MARCHF1: variants seen among roughly 807,000 people sequenced by gnomAD.
The protein encoded by MARCHF1 is membrane associated ring-CH-type finger 1.
In MARCHF1, 40 loss-of-function variants were observed where a neutral mutation model predicts 54.2. That is an observed-to-expected ratio of 0.74 (90% CI 0.57 to 0.96). The LOEUF is 0.96. Ranked by LOEUF, MARCHF1 falls within the 40% of genes least tolerant of loss-of-function variation. The pLI is 0.00. For synonymous variants in MARCHF1, 236 were observed against 236.3 expected (o/e 1.00, Z 0.01); for missense variants, 586 against 656.5 (o/e 0.89, Z 1.17).
chr4:163,561,974 C>T (rs1291791527), intron 8 of MARCHF1, among the ~76,000 whole-genome samples: 1 of 152,140 alleles, frequency 6.6e-6, no homozygotes, highest in Non-Finnish European at 1.5e-5. Context: ...TTTCTTGACT[C>T]TTCAACCCTC....
intron 1 of MARCHF1, among the ~76,000 whole-genome samples, chr4:164,279,059 G>T (rs1733957744): frequency 1.3e-5 from 2 of 150,756 alleles, no homozygotes; most frequent in African/African-American, 4.9e-5. Context: ...CATTTTAAAT[G>T]ATTAGTCAAA....
chr4:163,565,878 A>G (rs1739629295), intron 8 of MARCHF1, among the ~76,000 whole-genome samples: 1 of 152,214 alleles, frequency 6.6e-6, no homozygotes, highest in Non-Finnish European at 1.5e-5. Context: ...TTACCACAAC[A>G]AAGCTAGTTA....
At chr4:163,713,448 CATG>C (rs1579218211) in intron 4 of MARCHF1, among the ~76,000 whole-genome samples, 1 of 152,146 alleles carries the variant, frequency 6.6e-6, no homozygotes. Flanking sequence ...TCTGTAGAAT[CATG>C]ATAATAGTAC....
intron 4 of MARCHF1, among the ~76,000 whole-genome samples, chr4:163,818,901 C>A (rs575328126): frequency 7.9e-5 from 12 of 152,216 alleles, no homozygotes; most frequent in African/African-American, 2.9e-4. Context: ...TTACCACCTT[C>A]TCATTGTTAG....
At chr4:164,021,867 TTATA>T (rs375853031) in intron 2 of MARCHF1, among the ~76,000 whole-genome samples, 1 of 146,986 alleles carries the variant, frequency 6.8e-6, no homozygotes. Flanking sequence ...AAAAAAAAAA[TTATA>T]TATATATATA....
intron 3 of MARCHF1, among the ~76,000 whole-genome samples, chr4:163,986,249 C>CCTTTTTTTTTTTTTTTTTTTT (rs1752864138): frequency 1.4e-4 from 4 of 28,830 alleles, no homozygotes; most frequent in Non-Finnish European, 3.1e-4. Context: ...TTAACCTCTT[C>CCTTTTTTTTTTTTTTTTTTTT]TTTTTTTTTT....
At chr4:163,622,626 G>T (rs763671799) in intron 5 of MARCHF1, among the ~76,000 whole-genome samples, 1 of 152,064 alleles carries the variant, frequency 6.6e-6, no homozygotes, top group Non-Finnish European at 1.5e-5. Context: ...CATCTGCACC[G>T]TGGGCTGATT....
chr4:163,932,460 T>C (rs556187903), intron 3 of MARCHF1: 5 of 384,300 alleles, frequency 1.3e-5, no homozygotes, highest in Admixed American at 8.4e-5. Context: ...ATTTCAACAA[T>C]GCTCACAGCA....
intron 4 of MARCHF1, among the ~76,000 whole-genome samples, chr4:163,758,183 T>G (rs1210769695): frequency 6.6e-6 from 1 of 152,220 alleles, no homozygotes; most frequent in African/African-American, 2.4e-5. Context: ...GCCAGTCACT[T>G]GGCTGAGGGA....
chr4:164,332,739 A>G (rs766575653), intron 1 of MARCHF1, among the ~76,000 whole-genome samples: 1 of 152,212 alleles, frequency 6.6e-6, no homozygotes, highest in Non-Finnish European at 1.5e-5. Flanking sequence ...CATCTGTGAT[A>G]TAGTCTGAAT....
At chr4:164,109,215 A>C (rs537658852) in intron 2 of MARCHF1, among the ~76,000 whole-genome samples, 1 of 152,128 alleles carries the variant, frequency 6.6e-6, no homozygotes, top group South Asian at 2.1e-4. Context: ...TGATCATATA[A>C]TCCTAGGTTT....
chr4:164,218,945 TA>T, intron 1 of MARCHF1, among the ~76,000 whole-genome samples: 1 of 151,894 alleles, frequency 6.6e-6, no homozygotes, highest in East Asian at 1.9e-4. Flanking sequence ...GCAATTAATG[TA>T]AAAAGTATCC....
In MARCHF1 at chr4:163,978,889, T is replaced by C. The variant is rs1320765866; in HGVS notation, c.-39+9612A>G. 5.9e-5 allele frequency among the ~76,000 whole-genome samples: 9 copies of C among 151,980 alleles called. No individual in the cohort carries two copies. The East Asian group carries it at 1.7e-3, about 29-fold the overall frequency. On this transcript the variant is annotated intron_variant, in intron 3 of 9. Coordinates refer to ENST00000514618, the MANE Select transcript of MARCHF1 (RefSeq NM_001394959.1). The stretch of plus-strand genomic sequence containing the variant: ...GGCATGTTCCACCATGCATGGATAA[T>C]TTTTGTTTTGAATATTTTATATAGA...
chr4:164,233,237 A>AT (rs1732462760), intron 1 of MARCHF1, among the ~76,000 whole-genome samples: 1 of 142,786 alleles, frequency 7.0e-6, no homozygotes, highest in Non-Finnish European at 1.5e-5. Flanking sequence ...GTTTCTGTTT[A>AT]TTTCAAAAAA....
intron 1 of MARCHF1, among the ~76,000 whole-genome samples, chr4:164,247,567 A>C (rs4259019): frequency 0.82 from 119,196 of 145,962 alleles, 49,117 homozygotes; most frequent in East Asian, 0.89. Flanking sequence ...TGTAACTAAC[A>C]TGCACAATGT....
intron 3 of MARCHF1, among the ~76,000 whole-genome samples, chr4:163,960,666 TG>T (rs1176743190): frequency 1.3e-5 from 2 of 151,194 alleles, no homozygotes; most frequent in Non-Finnish European, 3.0e-5. Context: ...GTGTGGAGGG[TG>T]GGAGGAGGGA....
intron 2 of MARCHF1, among the ~76,000 whole-genome samples, chr4:163,992,421 TA>T (rs1405842480): frequency 6.6e-6 from 1 of 151,876 alleles, no homozygotes; most frequent in African/African-American, 2.4e-5. Flanking sequence ...ATAATGAAAG[TA>T]AATATCAAAG....
At chr4:163,739,072 A>C (rs1746124895) in intron 4 of MARCHF1, among the ~76,000 whole-genome samples, 1 of 152,240 alleles carries the variant, frequency 6.6e-6, no homozygotes, top group South Asian at 2.1e-4. Context: ...CATGGAAATC[A>C]AATACCTCAA....
At chr4:163,605,071 A>G (rs1024384341) in intron 7 of MARCHF1, among the ~76,000 whole-genome samples, 1 of 152,164 alleles carries the variant, frequency 6.6e-6, no homozygotes, top group Non-Finnish European at 1.5e-5. Context: ...TCAAAAATAA[A>G]TAGTTATTTT....
Sources: gnomAD v4.1 joint callset for allele counts (sites outside exome capture counted in the v4.1 genomes callset) on GRCh38, gnomAD v4.1.1 for gene constraint, MANE v1.5 for transcripts, NCBI Gene and HGNC (gene_info 2026-07-23, HGNC 2026-07-21) for gene names.